AKAP19: variants seen among roughly 807,000 people sequenced by gnomAD.
AKAP19 encodes small A-kinase anchoring protein.
At chr2:190,069,391 T>A in the AKAP19 span, among the ~76,000 whole-genome samples, 2 of 152,182 alleles carry the variant, frequency 1.3e-5, no homozygotes, top group Non-Finnish European at 2.9e-5. Context: ...GTTTTAAAAA[T>A]TTTTAAAGTT....
chr2:190,017,094 G>C, the AKAP19 span, among the ~76,000 whole-genome samples: 11 of 151,880 alleles, frequency 7.2e-5, no homozygotes, highest in Non-Finnish European at 1.6e-4. Flanking sequence ...GTATAAGTAT[G>C]GCTACCATTG....
At chr2:190,001,937 G>A in the AKAP19 span, among the ~76,000 whole-genome samples, 1 of 152,168 alleles carries the variant, frequency 6.6e-6, no homozygotes, top group Non-Finnish European at 1.5e-5. Flanking sequence ...CCCTTCCTCT[G>A]GCCAGCCTTT....
At chr2:189,899,078 A>T in the AKAP19 span, among the ~76,000 whole-genome samples, 1 of 152,152 alleles carries the variant, frequency 6.6e-6, no homozygotes, top group Non-Finnish European at 1.5e-5. Context: ...TAGAATATAC[A>T]TATCCAATTT....
chr2:190,075,509 C>G, the AKAP19 span, among the ~76,000 whole-genome samples: 2 of 152,132 alleles, frequency 1.3e-5, no homozygotes, highest in African/African-American at 4.8e-5. Context: ...TTTTAAAGCT[C>G]TATAATTACT....
At chr2:189,888,218 C>T in the AKAP19 span, among the ~76,000 whole-genome samples, 1 of 152,160 alleles carries the variant, frequency 6.6e-6, no homozygotes, top group South Asian at 2.1e-4. Context: ...GAATCCTTTT[C>T]CCATTGCTTG....
At chr2:190,137,708 A>G in the AKAP19 span, 1 of 135,672 alleles carries the variant, frequency 7.4e-6, no homozygotes, top group African/African-American at 2.7e-5. Context: ...TGAAAAGTGC[A>G]TTTGTGAGCA....
At chr2:190,132,446 C>G in the AKAP19 span, among the ~76,000 whole-genome samples, 2 of 152,096 alleles carry the variant, frequency 1.3e-5, no homozygotes, top group African/African-American at 2.4e-5. Flanking sequence ...TAAAAACAGA[C>G]ACACAGAATA....
chr2:190,194,293 A>G, the AKAP19 span, among the ~76,000 whole-genome samples: 1 of 152,068 alleles, frequency 6.6e-6, no homozygotes, highest in African/African-American at 2.4e-5. Flanking sequence ...TTTTTCTTTG[A>G]CTATTCTAGT....
the AKAP19 span, among the ~76,000 whole-genome samples, chr2:189,891,947 CTCTAATCTTG>C: frequency 6.6e-6 from 1 of 151,874 alleles, no homozygotes; most frequent in Admixed American, 6.6e-5. Flanking sequence ...ACTCTTTTTT[CTCTAATCTTG>C]TCTTCACACT....
At chr2:189,887,975 T>A in the AKAP19 span, among the ~76,000 whole-genome samples, 3 of 152,200 alleles carry the variant, frequency 2.0e-5, no homozygotes, top group African/African-American at 7.2e-5. Flanking sequence ...ATCCAATCTG[T>A]CAATTTTGGC....
chr2:190,139,984 TG>T, the AKAP19 span, among the ~76,000 whole-genome samples: 7 of 152,132 alleles, frequency 4.6e-5, no homozygotes, highest in Non-Finnish European at 1.0e-4. Flanking sequence ...CTAGATACTA[TG>T]GGGGTACAGG....
the AKAP19 span, among the ~76,000 whole-genome samples, chr2:189,916,751 C>G: frequency 1.3e-5 from 2 of 152,142 alleles, no homozygotes; most frequent in African/African-American, 2.4e-5. Context: ...CATTTTAATT[C>G]TCTGAATTGT....
chr2:190,052,562 T>A, the AKAP19 span, among the ~76,000 whole-genome samples: 1 of 152,166 alleles, frequency 6.6e-6, no homozygotes, highest in Admixed American at 6.5e-5. Flanking sequence ...ACATTTGTCT[T>A]CTTAGACTTA....
At chr2:190,149,468 A>G in the AKAP19 span, among the ~76,000 whole-genome samples, 1 of 151,902 alleles carries the variant, frequency 6.6e-6, no homozygotes, top group Non-Finnish European at 1.5e-5. Context: ...AGGGCTATGA[A>G]CTTTCCTCTT....
chr2:190,093,260 T>A, the AKAP19 span, among the ~76,000 whole-genome samples: 3,133 of 148,654 alleles, frequency 0.021, 74 homozygotes, highest in East Asian at 0.077. Context: ...CCGTCTCTAC[T>A]AAAAAAAAAA....
At chr2:190,073,244 A>G in the AKAP19 span, among the ~76,000 whole-genome samples, 1 of 152,292 alleles carries the variant, frequency 6.6e-6, no homozygotes, top group East Asian at 1.9e-4. Context: ...GATTTTCCAG[A>G]AAAAAACACA....
the AKAP19 span, among the ~76,000 whole-genome samples, chr2:190,115,368 G>A: frequency 1.9e-5 from 2 of 103,772 alleles, no homozygotes; most frequent in African/African-American, 7.8e-5. Flanking sequence ...CGCCCAGGCT[G>A]GAGTGCAGTG....
At chr2:190,121,113 C>CTTT in the AKAP19 span, among the ~76,000 whole-genome samples, 47 of 133,622 alleles carry the variant, frequency 3.5e-4, no homozygotes, top group Non-Finnish European at 6.2e-4. Flanking sequence ...AAATCTAAGT[C>CTTT]TTTTTTTTTT....
At chr2:190,138,816 A>G in the AKAP19 span, among the ~76,000 whole-genome samples, 1 of 152,140 alleles carries the variant, frequency 6.6e-6, no homozygotes, top group African/African-American at 2.4e-5. Flanking sequence ...CTTCCAGGCC[A>G]TTTTCACGAG....
Sources: allele counts gnomAD v4.1 joint callset (sites outside exome capture counted in the v4.1 genomes callset), GRCh38; gene constraint gnomAD v4.1.1; transcripts MANE v1.5; gene names NCBI Gene and HGNC (gene_info 2026-07-23, HGNC 2026-07-21).